TXK: variants seen among roughly 807,000 people sequenced by gnomAD.
TXK encodes the protein tyrosine-protein kinase TXK.
TXK carries 60 observed loss-of-function variants against 81.0 expected under a neutral mutation model. The ratio of observed to expected loss-of-function variants is 0.74; its 90% CI spans 0.60 to 0.92. The LOEUF (loss-of-function observed/expected upper bound fraction) is 0.92. TXK is among the 40% of genes least tolerant of loss of function. The pLI, the probability that TXK is intolerant of heterozygous loss-of-function variation, is 0.00. For missense variants in TXK, 581 were observed against 638.3 expected, an observed-to-expected ratio of 0.91 and a Z score of 0.97; for synonymous variants, 203 against 210.7, an observed-to-expected ratio of 0.96 and a Z score of 0.32.
intron 1 of TXK, among the ~76,000 whole-genome samples, chr4:48,128,255 C>T (rs1719146649): frequency 6.6e-6 from 1 of 152,190 alleles, no homozygotes; most frequent in Non-Finnish European, 1.5e-5. Context: ...TATTTAAAAA[C>T]ATGGCTTGAA....
chr4:48,113,058 C>T (rs1270969184), intron 3 of TXK, 149 bp downstream of exon 3: 5 of 478,946 alleles, frequency 1.0e-5, no homozygotes, highest in South Asian at 5.2e-5. Context: ...CTTTTACTTT[C>T]TTCTAGAACA....
At chr4:48,077,872 C>T (rs933675194) in intron 11 of TXK, among the ~76,000 whole-genome samples, 1 of 152,186 alleles carries the variant, frequency 6.6e-6, no homozygotes, top group African/African-American at 2.4e-5. Flanking sequence ...TACTGGTTAA[C>T]TAGCTTGCCC....
intron 6 of TXK, among the ~76,000 whole-genome samples, chr4:48,104,336 AAT>A (rs1226069725): frequency 1.3e-3 from 4 of 3,032 alleles, no homozygotes; most frequent in Non-Finnish European, 1.7e-3. Context: ...TATAATATAT[AAT>A]ATATATAATA....
intron 1 of TXK, among the ~76,000 whole-genome samples, chr4:48,116,067 CTCTAAG>C (rs1718804424): frequency 6.6e-6 from 1 of 152,154 alleles, no homozygotes; most frequent in African/African-American, 2.4e-5. Context: ...CCCTTTACTT[CTCTAAG>C]TCTTAGTTTT....
At chr4:48,127,121 C>T (rs1184305886) in intron 1 of TXK, among the ~76,000 whole-genome samples, 1 of 152,220 alleles carries the variant, frequency 6.6e-6, no homozygotes, top group South Asian at 2.1e-4. Flanking sequence ...AGCAGGAAGG[C>T]AAACCACTGC....
intron 1 of TXK, among the ~76,000 whole-genome samples, chr4:48,129,718 T>G (rs1005938464): frequency 6.6e-6 from 1 of 152,142 alleles, no homozygotes; most frequent in African/African-American, 2.4e-5. Flanking sequence ...ATGAGGCAAT[T>G]TTTCTTTCTT....
chr4:48,099,737 T>C (rs902910532), intron 6 of TXK, among the ~76,000 whole-genome samples: 3 of 152,198 alleles, frequency 2.0e-5, no homozygotes, highest in African/African-American at 7.2e-5. Flanking sequence ...AAAGCCCAGA[T>C]ATAGTCCAAA....
chr4:48,133,519 G>T (rs560283878), intron 1 of TXK, among the ~76,000 whole-genome samples: 1 of 152,206 alleles, frequency 6.6e-6, no homozygotes, highest in Admixed American at 6.5e-5. Flanking sequence ...CTTTACTCAG[G>T]CTCTGACTGC....
At chr4:48,071,315 G>C (rs1184777502) in intron 14 of TXK, among the ~76,000 whole-genome samples, 1 of 152,164 alleles carries the variant, frequency 6.6e-6, no homozygotes, top group Non-Finnish European at 1.5e-5. Context: ...GAATTCCTCA[G>C]ATAAAAGGCC....
intron 13 of TXK, among the ~76,000 whole-genome samples, chr4:48,072,769 T>A (rs536026151): frequency 1.3e-5 from 2 of 152,198 alleles, no homozygotes; most frequent in Non-Finnish European, 2.9e-5. Flanking sequence ...TTCGATGAGG[T>A]CGTTATATTG....
At chr4:48,093,438 T>G (rs1219898676) in intron 8 of TXK, among the ~76,000 whole-genome samples, 1 of 152,180 alleles carries the variant, frequency 6.6e-6, no homozygotes, top group African/African-American at 2.4e-5. Flanking sequence ...TCAGCACAGG[T>G]TGGGCAAGGG....
chr4:48,106,489 G>A (rs1464765164), intron 5 of TXK, among the ~76,000 whole-genome samples: 2 of 152,004 alleles, frequency 1.3e-5, no homozygotes. Context: ...GTATGAAGGA[G>A]TTAGGGACAG....
At chr4:48,079,022 T>C (rs554569652) in intron 11 of TXK, among the ~76,000 whole-genome samples, 7 of 152,306 alleles carry the variant, frequency 4.6e-5, no homozygotes, top group East Asian at 1.9e-4. Context: ...GGTTAATTAG[T>C]TCAAGGCATA....
At chr4:48,093,014 T>C (rs1198388350) in intron 8 of TXK, among the ~76,000 whole-genome samples, 2 of 152,132 alleles carry the variant, frequency 1.3e-5, no homozygotes, top group African/African-American at 4.8e-5. Context: ...CTAACCTCAT[T>C]TAACCTTATC....
rs57819050 is a variant in TXK, at chr4:48,080,662, T to TCACACACACACA, written c.957-546_957-535dup. Among the ~76,000 whole-genome samples, 998 of 144,506 alleles carry TCACACACACACA rather than the reference T, an allele frequency of 6.9e-3. 7 individuals carry two copies. Among genetic ancestry groups the TCACACACACACA allele is most frequent in the South Asian group, 0.02 (86 of 4,292 alleles). The allele number at this position is 144,506 out of a possible 152,430, so 94.8% of individuals were successfully genotyped here. ...TGAAAACTTGCAGTGTATTTGGTAA[T>TCACACACACACA]CACACACACACACACACACACACAC... On this transcript the variant is annotated intron_variant, in intron 10 of 14. Transcript: ENST00000264316.
intron 1 of TXK, among the ~76,000 whole-genome samples, chr4:48,133,207 TAGA>T (rs749925657): frequency 9.3e-5 from 13 of 139,740 alleles, no homozygotes; most frequent in Non-Finnish European, 1.7e-4. Context: ...CCTTCTTATT[TAGA>T]AGACTATTCT....
intron 10 of TXK, among the ~76,000 whole-genome samples, chr4:48,081,260 C>T (rs1312399828): frequency 6.6e-6 from 1 of 152,074 alleles, no homozygotes; most frequent in Non-Finnish European, 1.5e-5. Flanking sequence ...CAAGTTGATA[C>T]CCACATGGAA....
chr4:48,082,254 C>T (rs910123342), intron 10 of TXK, among the ~76,000 whole-genome samples: 4 of 152,170 alleles, frequency 2.6e-5, no homozygotes, highest in Non-Finnish European at 5.9e-5. Flanking sequence ...ACCTGTAAAA[C>T]TAGTTCAGGC....
At chr4:48,111,571 C>A (rs1718633890) in intron 4 of TXK, among the ~76,000 whole-genome samples, 1 of 152,206 alleles carries the variant, frequency 6.6e-6, no homozygotes, top group African/African-American at 2.4e-5. Context: ...CCTACTAATG[C>A]CTCTTTTTCC....
Sources: gnomAD v4.1 joint callset for allele counts (sites outside exome capture counted in the v4.1 genomes callset) on GRCh38, gnomAD v4.1.1 for gene constraint, MANE v1.5 for transcripts, NCBI Gene and HGNC (gene_info 2026-07-23, HGNC 2026-07-21) for gene names.